PIK3CD: variants seen among roughly 807,000 people sequenced by gnomAD.
PIK3CD encodes the protein phosphatidylinositol-4,5-bisphosphate 3-kinase catalytic subunit delta.
Under a neutral mutation model 122.9 loss-of-function variants are expected in PIK3CD, and 20 were observed. The ratio of observed to expected loss-of-function variants is 0.16; its 90% CI spans 0.11 to 0.24. The LOEUF (loss-of-function observed/expected upper bound fraction) is 0.24. Ranked by LOEUF, PIK3CD falls within the 10% of genes least tolerant of loss-of-function variation. The pLI is 1.00. For synonymous variants in PIK3CD, 596 were observed against 593.4 expected, an observed-to-expected ratio of 1.00 and a Z score of -0.06; for missense variants, 787 against 1,406.3, an observed-to-expected ratio of 0.56 and a Z score of 7.04.
At chr1:9,725,974 G>A (rs1036428730) in intron 23 of PIK3CD, among the ~76,000 whole-genome samples, 2 of 152,216 alleles carry the variant, frequency 1.3e-5, no homozygotes, top group African/African-American at 2.4e-5. Flanking sequence ...CACTTTGGGA[G>A]GCTGAGGCAG....
At chr1:9,660,073 G>A (rs531532764) in intron 1 of PIK3CD, among the ~76,000 whole-genome samples, 1 of 152,222 alleles carries the variant, frequency 6.6e-6, no homozygotes, top group Non-Finnish European at 1.5e-5. Context: ...GTGCCACCAC[G>A]CCCAGCTAGT....
chr1:9,658,189 C>G (rs528951515), intron 1 of PIK3CD, among the ~76,000 whole-genome samples: 41 of 151,978 alleles, frequency 2.7e-4, no homozygotes, highest in African/African-American at 9.7e-4. Context: ...TTGAGACCAG[C>G]CTGGGCAACA....
At chr1:9,680,201 C>T (rs1369725839) in intron 1 of PIK3CD, among the ~76,000 whole-genome samples, 2 of 150,828 alleles carry the variant, frequency 1.3e-5, no homozygotes, top group Non-Finnish European at 2.9e-5. Context: ...GTTTCAAACT[C>T]TTGGTGTCAA....
At position 9,717,765 on chromosome 1, in the gene PIK3CD, C is replaced by T. The variant is rs909684438; in HGVS notation, c.1020+139C>T. On this transcript the variant is annotated intron_variant, in intron 8 of 23. Transcript: ENST00000377346. The surrounding 1 kb of genome is among the most constrained non-coding windows in gnomAD (Gnocchi z 5.4). ...CATTACCCAGCATCCCTGCCTGGGG[C>T]GCTGTGAGCGGCTTGAAAACAGGAA... is the stretch of plus-strand genomic sequence containing the variant. 1.4e-5 allele frequency: 11 copies of T among 808,308 alleles called. No homozygotes were observed. The highest frequency in any genetic ancestry group is 2.3e-4 in the Middle Eastern group (1 of 4,392). 50.1% of individuals were successfully genotyped at this position (808,308 alleles called of 1,614,324 possible). A position where few individuals can be genotyped will look rare whatever the true frequency, so the allele number is the denominator to read the frequency against.
intron 1 of PIK3CD, among the ~76,000 whole-genome samples, chr1:9,667,049 A>G (rs1300374584): frequency 6.6e-6 from 1 of 151,898 alleles, no homozygotes; most frequent in African/African-American, 2.4e-5. Context: ...ATTTTAGTAG[A>G]TACGGGGTTT....
At chr1:9,674,893 TATG>T (rs1216532532) in intron 1 of PIK3CD, among the ~76,000 whole-genome samples, 1 of 149,786 alleles carries the variant, frequency 6.7e-6, no homozygotes, top group Non-Finnish European at 1.5e-5. Flanking sequence ...ATTAGCCAGG[TATG>T]ATGATGCACA....
At chr1:9,721,951 G>A (rs766957210) in intron 16 of PIK3CD, 24 bp from the exon 17 acceptor site, 13 of 1,613,040 alleles carry the variant, frequency 8.1e-6, no homozygotes, top group South Asian at 2.2e-5. Flanking sequence ...CCTGCCCACC[G>A]CCGCCCTCCC....
chr1:9,630,993 G>A, the PIK3CD span, among the ~76,000 whole-genome samples: 1 of 152,176 alleles, frequency 6.6e-6, no homozygotes, highest in African/African-American at 2.4e-5. Flanking sequence ...CCGGGACAGA[G>A]TTCATGCCCC....
At chr1:9,712,172 G>A (rs1647080819) in intron 3 of PIK3CD, among the ~76,000 whole-genome samples, 1 of 152,216 alleles carries the variant, frequency 6.6e-6, no homozygotes, top group African/African-American at 2.4e-5. Context: ...GGTGGATATT[G>A]TCTTGTGACC....
chr1:9,685,932 C>T (rs1237242803), intron 1 of PIK3CD, among the ~76,000 whole-genome samples: 1 of 152,162 alleles, frequency 6.6e-6, no homozygotes, highest in African/African-American at 2.4e-5. Context: ...CCTGACCACA[C>T]CTAGAAATGC....
chr1:9,627,672 G>T, the PIK3CD span, among the ~76,000 whole-genome samples: 3 of 152,154 alleles, frequency 2.0e-5, no homozygotes, highest in African/African-American at 7.2e-5. Context: ...TGTGATGTTG[G>T]GGTGGCTGAG....
At chr1:9,638,359 A>G in the PIK3CD span, among the ~76,000 whole-genome samples, 1 of 151,688 alleles carries the variant, frequency 6.6e-6, no homozygotes, top group Admixed American at 6.6e-5. Flanking sequence ...CTCCCTGTGC[A>G]CTCATGCCTC....
chr1:9,650,704 A>G (rs1644655671), upstream of PIK3CD, among the ~76,000 whole-genome samples: 1 of 152,168 alleles, frequency 6.6e-6, no homozygotes, highest in Non-Finnish European at 1.5e-5. Context: ...GAGGTGGTAC[A>G]CAAGTTAAGG....
At position 9,719,265 on chromosome 1, in the gene PIK3CD, G is replaced by A. The variant is rs1557666125; in HGVS notation, c.1242+350G>A. Among the ~76,000 whole-genome samples, 1 of 152,250 alleles carries A rather than the reference G, an allele frequency of 6.6e-6. No individual in the cohort carries two copies. The highest frequency in any genetic ancestry group is 1.5e-5 in the Non-Finnish European group (1 of 68,040). ...TGGCCGGGAGGCGTAGTGGCTGGGT[G>A]CTGAGTCACGGTCCCAGGATATGGC... On this transcript the variant is annotated intron_variant, in intron 9 of 23. Transcript: ENST00000377346. The surrounding 1 kb of genome is among the most constrained non-coding windows in gnomAD (Gnocchi z 5.5).
chr1:9,645,451 T>C, the PIK3CD span, among the ~76,000 whole-genome samples: 2 of 151,670 alleles, frequency 1.3e-5, no homozygotes, highest in Non-Finnish European at 2.9e-5. Flanking sequence ...TATTTTATTT[T>C]ATTTATTTAT....
At chr1:9,658,790 A>G (rs1192489867) in intron 1 of PIK3CD, among the ~76,000 whole-genome samples, 1 of 152,098 alleles carries the variant, frequency 6.6e-6, no homozygotes, top group African/African-American at 2.4e-5. Flanking sequence ...TCGGCCTCCC[A>G]AAGTGCTGGG....
chr1:9,637,915 C>T, the PIK3CD span, among the ~76,000 whole-genome samples: 1 of 151,936 alleles, frequency 6.6e-6, no homozygotes, highest in African/African-American at 2.4e-5. Context: ...ACCAGCCTGG[C>T]CAACATGGTG....
chr1:9,718,710 G>C lies in PIK3CD; in HGVS notation c.1037G>C (p.Gly346Ala). The part of the protein sequence containing the change: ...DERMKLVVQA[G>A]LFHGNEMLCK... The stretch of plus-strand genomic sequence containing the variant: ...CTTCTACAGCTGGTGGTGCAGGCCG[G>C]GCTTTTCCACGGCAACGAGATGCTG... Residue 346 changes from glycine to alanine, a missense_variant, in exon 9 of 24, where the codon GGG becomes GCG. By Grantham distance (60) the Gly-to-Ala change is moderately conservative. This residue lies in a region of PIK3CD where 592 missense variants were observed against 920.6 expected (regional missense o/e 0.64). Coordinates refer to ENST00000377346, the MANE Select transcript of PIK3CD (RefSeq NM_005026.5). This position sits in a 1 kb window ranked among gnomAD's most constrained non-coding sequence, Gnocchi z 7.2. 2 of 1,604,006 alleles carry C rather than the reference G, an allele frequency of 1.2e-6. No individual in the cohort carries two copies. The highest frequency in any genetic ancestry group is 1.7e-6 in the Non-Finnish European group (2 of 1,179,528).
chr1:9,644,428 G>A, the PIK3CD span, among the ~76,000 whole-genome samples: 1 of 151,914 alleles, frequency 6.6e-6, no homozygotes, highest in Non-Finnish European at 1.5e-5. Context: ...TGAGGCAGGA[G>A]AATCACTTGA....
Sources: allele counts gnomAD v4.1 joint callset (sites outside exome capture counted in the v4.1 genomes callset), GRCh38; gene constraint gnomAD v4.1.1; regional missense constraint gnomAD v4.1.1; non-coding constraint Gnocchi (gnomAD v3.1); transcripts MANE v1.5; gene names NCBI Gene and HGNC (gene_info 2026-07-23, HGNC 2026-07-21).